CDKAL1: variants seen among roughly 807,000 people sequenced by gnomAD.
CDKAL1 encodes CDKAL1 threonylcarbamoyladenosine tRNA methylthiotransferase.
Under a neutral mutation model 68.2 loss-of-function variants are expected in CDKAL1, and 32 were observed. That is an observed-to-expected ratio of 0.47 (90% CI 0.35 to 0.63). The LOEUF (loss-of-function observed/expected upper bound fraction) is 0.63, where lower values mean the gene tolerates loss of function less well. CDKAL1 is among the 30% of genes least tolerant of loss of function. The probability of loss-of-function intolerance (pLI) is 0.00; values close to 1 mark genes in which losing one functional copy is unlikely to be tolerated. For synonymous variants in CDKAL1, 234 were observed against 244.3 expected (o/e 0.96, Z 0.39); for missense variants, 606 against 696.7 (o/e 0.87, Z 1.47).
chr6:20,897,150 C>A (rs1761734145), intron 9 of CDKAL1, among the ~76,000 whole-genome samples: 1 of 152,124 alleles, frequency 6.6e-6, no homozygotes. Flanking sequence ...GGTGAACAAG[C>A]TTTCTTGGGC....
chr6:21,103,442 A>G (rs1773687459), intron 12 of CDKAL1, among the ~76,000 whole-genome samples: 1 of 152,096 alleles, frequency 6.6e-6, no homozygotes, highest in South Asian at 2.1e-4. Flanking sequence ...TATAAGAAAA[A>G]AAAAAAAGGT....
intron 15 of CDKAL1, among the ~76,000 whole-genome samples, chr6:21,203,456 G>A (rs1445070152): frequency 3.3e-5 from 5 of 150,860 alleles, no homozygotes; most frequent in Admixed American, 2.0e-4. Flanking sequence ...GGCTGGTCTC[G>A]AACCCCTGAC....
chr6:20,758,509 T>C, intron 6 of CDKAL1, 86 bp from the exon 7 acceptor site: 1 of 1,073,728 alleles, frequency 9.3e-7, no homozygotes, highest in Non-Finnish European at 1.4e-6. Context: ...TTAGAAAATG[T>C]GTAACATTGA....
chr6:21,177,660 T>C (rs1349813266), intron 13 of CDKAL1, among the ~76,000 whole-genome samples: 5 of 151,302 alleles, frequency 3.3e-5, no homozygotes. Context: ...AGTTTTCCTC[T>C]GATCTTTTTT....
chr6:20,550,692 G>A (rs956550376), intron 4 of CDKAL1, among the ~76,000 whole-genome samples: 3 of 151,916 alleles, frequency 2.0e-5, no homozygotes, highest in Admixed American at 6.6e-5. Flanking sequence ...ACATATGCAC[G>A]CATCTGTAGC....
intron 5 of CDKAL1, among the ~76,000 whole-genome samples, chr6:20,680,442 G>A (rs1219619192): frequency 1.3e-5 from 2 of 152,126 alleles, no homozygotes; most frequent in African/African-American, 4.8e-5. Context: ...CATTATATTT[G>A]AAATTTCTTA....
chr6:20,773,839 C>T (rs2150365695), intron 7 of CDKAL1, among the ~76,000 whole-genome samples: 1 of 152,304 alleles, frequency 6.6e-6, no homozygotes, highest in Middle Eastern at 3.4e-3. Context: ...AGCTGCTGCA[C>T]CTGGCCCATT....
intron 4 of CDKAL1, among the ~76,000 whole-genome samples, chr6:20,593,927 G>C (rs1412652975): frequency 6.6e-6 from 1 of 152,118 alleles, no homozygotes; most frequent in African/African-American, 2.4e-5. Context: ...CCTTAATTTT[G>C]TTATTTACCC....
At chr6:21,118,166 T>G (rs1407973524) in intron 13 of CDKAL1, among the ~76,000 whole-genome samples, 1 of 152,234 alleles carries the variant, frequency 6.6e-6, no homozygotes, top group African/African-American at 2.4e-5. Context: ...AAAATATAAT[T>G]AATGACTTCT....
intron 4 of CDKAL1, among the ~76,000 whole-genome samples, chr6:20,628,695 C>T (rs1767539772): frequency 1.3e-5 from 2 of 151,792 alleles, no homozygotes; most frequent in South Asian, 4.2e-4. Context: ...GTTAAAGAAT[C>T]ATGTTGTATG....
intron 10 of CDKAL1, among the ~76,000 whole-genome samples, chr6:20,982,048 CTTATTTATTTATTTATTTAT>C (rs35693086): frequency 6.8e-6 from 1 of 146,970 alleles, no homozygotes; most frequent in East Asian, 2.0e-4. Flanking sequence ...GAAGGAAATT[CTTATTTATTTATTTATTTAT>C]TTATTTATTT....
rs539501787 is a variant in CDKAL1, at chr6:20,740,003, C to A, written c.468+388C>A. ...TTTCAAATGCCCCACTTCCCTTATA[C>A]CTACCACCACAAGTCTCAGCTCCAA... On this transcript the variant is annotated intron_variant, in intron 6 of 15. Transcript: ENST00000274695. Among the ~76,000 whole-genome samples the A allele has an allele frequency of 2.6e-5, 4 of 152,254 alleles. No homozygotes were observed. In the South Asian group the frequency reaches 8.3e-4, roughly 32 times the overall value.
chr6:21,041,479 A>T (rs529618788), intron 11 of CDKAL1, among the ~76,000 whole-genome samples: 3 of 152,154 alleles, frequency 2.0e-5, no homozygotes, highest in Non-Finnish European at 2.9e-5. Context: ...AGGATTGAAT[A>T]AAAAAACTCA....
intron 4 of CDKAL1, among the ~76,000 whole-genome samples, chr6:20,569,090 T>C (rs1193628177): frequency 6.6e-6 from 1 of 152,236 alleles, no homozygotes; most frequent in Non-Finnish European, 1.5e-5. Context: ...ACTTATTATA[T>C]AGAGCATAGA....
intron 12 of CDKAL1, 104 bp from the exon 13 acceptor site, chr6:21,108,297 A>G: frequency 1.5e-6 from 1 of 673,072 alleles, no homozygotes; most frequent in Non-Finnish European, 2.4e-6. Context: ...AAAAAAAAAA[A>G]ACTTTATGTA....
At chr6:21,067,715 G>A (rs891827625) in intron 12 of CDKAL1, among the ~76,000 whole-genome samples, 1 of 151,988 alleles carries the variant, frequency 6.6e-6, no homozygotes, top group African/African-American at 2.4e-5. Flanking sequence ...CCACTGGGGG[G>A]TCTGGCTAGG....
rs148489693 is a variant in CDKAL1, at chr6:20,875,379, C to T, written c.742+29201C>T. ...GTGGCAAGACATGCTTCCAAGTAAG[C>T]ACTGAGCATTTGAAGAGATGGTTAC... is the stretch of plus-strand genomic sequence containing the variant. On this transcript the variant is annotated intron_variant, in intron 9 of 15. Coordinates refer to ENST00000274695, the MANE Select transcript of CDKAL1 (RefSeq NM_017774.3). Among the ~76,000 whole-genome samples the T allele has an allele frequency of 7.5e-3, 1,127 of 149,468 alleles. 16 individuals are homozygous for T. Among genetic ancestry groups the T allele is most frequent in the African/African-American group, 0.026 (1,064 of 40,614 alleles).
At chr6:21,051,754 A>G (rs1770551082) in intron 11 of CDKAL1, among the ~76,000 whole-genome samples, 1 of 152,234 alleles carries the variant, frequency 6.6e-6, no homozygotes, top group African/African-American at 2.4e-5. Flanking sequence ...GGTTACAATA[A>G]TAAAGCCAAT....
chr6:20,886,260 T>C (rs1283993742), intron 9 of CDKAL1, among the ~76,000 whole-genome samples: 1 of 152,134 alleles, frequency 6.6e-6, no homozygotes, highest in African/African-American at 2.4e-5. Context: ...TGTGGAGAAA[T>C]TGGTCCTCAT....
Sources: gnomAD v4.1 joint callset for allele counts (sites outside exome capture counted in the v4.1 genomes callset) on GRCh38, gnomAD v4.1.1 for gene constraint, MANE v1.5 for transcripts, NCBI Gene and HGNC (gene_info 2026-07-23, HGNC 2026-07-21) for gene names.